The following FBXO32 variants were observed in gnomAD, a reference collection of about 807,000 sequenced individuals.
FBXO32 encodes the protein F-box protein 32, also known as F-box only protein 32.
A neutral mutation model predicts 48.3 loss-of-function variants in FBXO32; 15 were observed. The ratio of observed to expected loss-of-function variants is 0.31; its 90% confidence interval spans 0.21 to 0.48. The LOEUF (loss-of-function observed/expected upper bound fraction) is 0.48. Among genes scored for constraint, FBXO32 ranks in the 20% least tolerant of loss-of-function variants. The pLI is 0.99. For synonymous variants in FBXO32, 154 were observed against 165.9 expected, an observed-to-expected ratio of 0.93 and a Z score of 0.55; for missense variants, 309 against 432.7, an observed-to-expected ratio of 0.71 and a Z score of 2.54.
At chr8:123,514,433 G>T (rs972744224) in intron 4 of FBXO32, 100 bp from the exon 5 acceptor site, 25 of 772,154 alleles carry the variant, frequency 3.2e-5, no homozygotes, top group Non-Finnish European at 4.7e-5. Context: ...ACAGACTGAC[G>T]GGGAGAGATA....
chr8:123,540,453 C>T lies in FBXO32; in HGVS notation c.116+446G>A, dbSNP rs1817388984. ...ACCTTCGTCGGATCCCGTCACCTGT[C>T]GCGTCCACAGCGCTTGGGCGCTGGG... On this transcript the variant is annotated intron_variant, in intron 1 of 8. Coordinates refer to ENST00000517956, the MANE Select transcript of FBXO32 (RefSeq NM_058229.4). This position sits in a 1 kb window ranked among gnomAD's most constrained non-coding sequence, Gnocchi z 6.4. 6.6e-6 allele frequency among the ~76,000 whole-genome samples: 1 copy of T among 152,236 alleles called. No homozygotes were observed. The highest frequency in any genetic ancestry group is 6.5e-5 in the Admixed American group (1 of 15,288).
chr8:123,509,422 G>T (rs533888156), intron 6 of FBXO32, among the ~76,000 whole-genome samples: 3 of 152,252 alleles, frequency 2.0e-5, no homozygotes, highest in Admixed American at 6.5e-5. Context: ...TGTGGAGGCT[G>T]GGCTCAGTGG....
rs1163325343 is a variant in FBXO32 at position 123,506,301 on chromosome 8, C to G, written c.834+91G>C. The G allele has an allele frequency of 7.1e-7, 1 of 1,410,754 alleles. No homozygotes were observed. Among genetic ancestry groups the G allele is most frequent in the South Asian group, 1.2e-5 (1 of 81,136 alleles). 87.4% of individuals were successfully genotyped at this position (1,410,754 alleles called of 1,614,324 possible). ...CCAGGGAACCTGGAATAGGGGGAACCCAGACCTCAGGCTTGAGCAGGGCAC... is the reference window on the plus strand; with the variant it reads ...CCAGGGAACCTGGAATAGGGGGAACGCAGACCTCAGGCTTGAGCAGGGCAC... On this transcript the variant is annotated intron_variant, in intron 7 of 8. Coordinates refer to ENST00000517956, the MANE Select transcript of FBXO32 (RefSeq NM_058229.4). This position sits in a 1 kb window ranked among gnomAD's most constrained non-coding sequence, Gnocchi z 4.0.
At chr8:123,529,660 G>A (rs1486705833) in intron 4 of FBXO32, among the ~76,000 whole-genome samples, 1 of 152,020 alleles carries the variant, frequency 6.6e-6, no homozygotes, top group Non-Finnish European at 1.5e-5. Flanking sequence ...CAGATTTCAA[G>A]TCTTGATTTC....
In FBXO32 at chr8:123,502,305, TC is replaced by T. The variant is rs1417855516; in HGVS notation, c.*1067del. The T allele has an allele frequency of 6.6e-6, 1 of 152,234 alleles. No individual in the cohort carries two copies. The highest frequency in any genetic ancestry group is 1.5e-5 in the Non-Finnish European group (1 of 68,080). 9.4% of individuals were successfully genotyped at this position (152,234 alleles called of 1,614,324 possible). A position where few individuals can be genotyped will look rare whatever the true frequency, so the allele number is the denominator to read the frequency against. On this transcript the variant is annotated 3_prime_UTR_variant, in exon 9 of 9. Transcript: ENST00000517956. Reference sequence around the variant, plus strand: ...GCCTCAGCACTTGGGCCCCACTCTGTCCACAGACACAGGCTTATCCATGAAG... The same window carrying T: ...GCCTCAGCACTTGGGCCCCACTCTGTCACAGACACAGGCTTATCCATGAAG...
intron 8 of FBXO32, among the ~76,000 whole-genome samples, chr8:123,504,002 C>G (rs1485069277): frequency 6.6e-6 from 1 of 151,472 alleles, no homozygotes; most frequent in Non-Finnish European, 1.5e-5. Context: ...ATTGCTTGAA[C>G]CTGGGAGGTG....
intron 1 of FBXO32, among the ~76,000 whole-genome samples, chr8:123,536,342 A>G (rs1038092026): frequency 1.2e-4 from 19 of 152,136 alleles, no homozygotes; most frequent in Admixed American, 1.2e-3. Context: ...AAGGATGAGT[A>G]TTTTGGGCCA....
intron 5 of FBXO32, 98 bp downstream of exon 5, chr8:123,514,142 C>T: frequency 1.3e-6 from 1 of 797,770 alleles, no homozygotes; most frequent in Non-Finnish European, 2.0e-6. Context: ...CATCCATTCA[C>T]ATGTCTTTAA....
chr8:123,514,873 G>T (rs1816806102), intron 4 of FBXO32, among the ~76,000 whole-genome samples: 1 of 152,194 alleles, frequency 6.6e-6, no homozygotes, highest in South Asian at 2.1e-4. Context: ...CTCTTTCACT[G>T]CACTTACATT....
chr8:123,535,280 A>G (rs1817288118), intron 1 of FBXO32, among the ~76,000 whole-genome samples: 2 of 152,214 alleles, frequency 1.3e-5, no homozygotes, highest in Non-Finnish European at 2.9e-5. Flanking sequence ...GATAAACTTC[A>G]CATACCATAC....
intron 4 of FBXO32, among the ~76,000 whole-genome samples, chr8:123,516,115 C>G (rs1321890196): frequency 6.6e-6 from 1 of 152,220 alleles, no homozygotes; most frequent in Admixed American, 6.5e-5. Context: ...GCTCAAGAGA[C>G]CCACCTTATG....
In FBXO32 at chr8:123,513,349, C is replaced by G; in HGVS notation, c.500G>C (p.Arg167Thr). Reference sequence around the variant, plus strand: ...TGTGTAGAGGGTCTGGAGTAGTTCCCTTATTAGTCTAATGTTTTGCTGGTC... The same window carrying G: ...TGTGTAGAGGGTCTGGAGTAGTTCCGTTATTAGTCTAATGTTTTGCTGGTC... The part of the protein sequence containing the change: ...LEDQQNIRLI[R>T]ELLQTLYTSL... The change falls in exon 6 of 9, where the codon AGG becomes ACG. Residue 167 changes from arginine (R) to threonine (T), a missense_variant. Coordinates refer to ENST00000517956, the MANE Select transcript of FBXO32 (RefSeq NM_058229.4). The surrounding 1 kb of genome is among the most constrained non-coding windows in gnomAD (Gnocchi z 4.3). 6.2e-7 allele frequency: 1 copy of G among 1,614,072 alleles called. No homozygotes were observed. The highest frequency in any genetic ancestry group is 1.1e-5 in the South Asian group (1 of 91,050).
At chr8:123,532,422 A>G (rs1160763746) in intron 3 of FBXO32, among the ~76,000 whole-genome samples, 3 of 152,214 alleles carry the variant, frequency 2.0e-5, no homozygotes, top group East Asian at 1.9e-4. Flanking sequence ...ACCTTGCCTT[A>G]TACCAATAGT....
chr8:123,504,024 G>A (rs1380691042), intron 8 of FBXO32, among the ~76,000 whole-genome samples: 1 of 150,388 alleles, frequency 6.6e-6, no homozygotes, highest in Non-Finnish European at 1.5e-5. Flanking sequence ...AGGTTGCAAT[G>A]AGCCGAGGTC....
intron 4 of FBXO32, among the ~76,000 whole-genome samples, chr8:123,522,495 C>T (rs1322664584): frequency 6.6e-6 from 1 of 152,058 alleles, no homozygotes; most frequent in Non-Finnish European, 1.5e-5. Context: ...AGGTGTGAGC[C>T]CCCACACCTG....
chr8:123,528,163 T>C (rs1256244415), intron 4 of FBXO32, among the ~76,000 whole-genome samples: 9 of 152,210 alleles, frequency 5.9e-5, no homozygotes, highest in Admixed American at 5.9e-4. Context: ...TGGGCTTCTG[T>C]AGTCTAACAA....
At chr8:123,536,497 T>C (rs1817312497) in intron 1 of FBXO32, among the ~76,000 whole-genome samples, 2 of 152,230 alleles carry the variant, frequency 1.3e-5, no homozygotes, top group South Asian at 4.1e-4. Flanking sequence ...GAGGCTAACT[T>C]AAGACATTTC....
chr8:123,521,508 C>T (rs16898507), intron 4 of FBXO32, among the ~76,000 whole-genome samples: 14,876 of 152,238 alleles, frequency 0.098, 1,003 homozygotes, highest in Admixed American at 0.21. Context: ...ATCTCAAACA[C>T]TTTCCAGAAG....
intron 8 of FBXO32, 92 bp from the exon 9 acceptor site, chr8:123,503,554 T>G: frequency 4.4e-6 from 4 of 899,510 alleles, no homozygotes; most frequent in Non-Finnish European, 7.1e-6. Flanking sequence ...AAAGCAACAA[T>G]TCTCTGTCAA....
Sources: allele counts gnomAD v4.1 joint callset (sites outside exome capture counted in the v4.1 genomes callset), GRCh38; gene constraint gnomAD v4.1.1; non-coding constraint Gnocchi (gnomAD v3.1); transcripts MANE v1.5; gene names NCBI Gene and HGNC (gene_info 2026-07-23, HGNC 2026-07-21).